CASD1: variants seen among roughly 807,000 people sequenced by gnomAD.
CASD1 encodes the protein CAS1 domain sialic acid O acetyltransferase 1.
A neutral mutation model predicts 100.0 loss-of-function variants in CASD1; 41 were observed. The ratio of observed to expected loss-of-function variants is 0.41; its 90% CI spans 0.32 to 0.53. The LOEUF (loss-of-function observed/expected upper bound fraction) is 0.53, where lower values mean the gene tolerates loss of function less well. Ranked by LOEUF, CASD1 falls within the 20% of genes least tolerant of loss-of-function variation. CASD1 has a pLI of 0.25. For synonymous variants in CASD1, 321 were observed against 315.6 expected, an observed-to-expected ratio of 1.02 and a Z score of -0.18; for missense variants, 774 against 948.7, an observed-to-expected ratio of 0.82 and a Z score of 2.42.
the CASD1 span, among the ~76,000 whole-genome samples, chr7:94,580,928 G>A: frequency 6.6e-6 from 1 of 152,154 alleles, no homozygotes; most frequent in East Asian, 1.9e-4. Flanking sequence ...GCCCTCTCCA[G>A]GGAACACTTA....
chr7:94,603,367 G>C, the CASD1 span: 3 of 1,612,546 alleles, frequency 1.9e-6, no homozygotes, highest in South Asian at 1.1e-5. Context: ...TCCATTTCTT[G>C]ACTACATCTC....
the CASD1 span, among the ~76,000 whole-genome samples, chr7:94,586,218 G>A: frequency 6.6e-6 from 1 of 152,174 alleles, no homozygotes; most frequent in East Asian, 1.9e-4. Context: ...TGTGCATAAT[G>A]TTCTGTGGTA....
At chr7:94,606,340 A>G in the CASD1 span, among the ~76,000 whole-genome samples, 1 of 152,214 alleles carries the variant, frequency 6.6e-6, no homozygotes, top group Non-Finnish European at 1.5e-5. Context: ...TTAATTTCAG[A>G]CAGAGCCAAC....
the CASD1 span, among the ~76,000 whole-genome samples, chr7:94,584,509 A>G: frequency 6.6e-6 from 1 of 152,222 alleles, no homozygotes; most frequent in Non-Finnish European, 1.5e-5. Context: ...ATGACAGAGT[A>G]TTCTCCCTAA....
At chr7:94,539,317 A>G (rs1795269995) in intron 10 of CASD1, among the ~76,000 whole-genome samples, 1 of 152,180 alleles carries the variant, frequency 6.6e-6, no homozygotes, top group African/African-American at 2.4e-5. Flanking sequence ...GAAATAGCTG[A>G]TATCTAAGGG....
At chr7:94,588,685 T>C in the CASD1 span, 1 of 1,588,746 alleles carries the variant, frequency 6.3e-7, no homozygotes, top group Non-Finnish European at 8.6e-7. Flanking sequence ...TTCTTAGCAC[T>C]CACCTGTAGT....
At chr7:94,515,363 GTGTT>G (rs1366183678) in intron 1 of CASD1, among the ~76,000 whole-genome samples, 1 of 150,822 alleles carries the variant, frequency 6.6e-6, no homozygotes, top group East Asian at 1.9e-4. Context: ...TCTAAAAACT[GTGTT>G]TGTAATGCCT....
At chr7:94,630,441 C>T in the CASD1 span, among the ~76,000 whole-genome samples, 2 of 151,692 alleles carry the variant, frequency 1.3e-5, no homozygotes, top group Non-Finnish European at 2.9e-5. Context: ...ATTCAATTTT[C>T]TCTGATCTTG....
At chr7:94,618,129 A>G in the CASD1 span, 2 of 152,272 alleles carry the variant, frequency 1.3e-5, no homozygotes, top group African/African-American at 4.8e-5. Flanking sequence ...CTATCTGCAC[A>G]GCTTCAGAAC....
In CASD1 at chr7:94,555,970, A is replaced by C. The variant is rs1249555339; in HGVS notation, c.*212A>C. The C allele has an allele frequency of 5.8e-6, 3 of 513,432 alleles. No individual in the cohort carries two copies. The highest frequency in any genetic ancestry group is 1.0e-5 in the Non-Finnish European group (3 of 294,734). The allele number at this position is 513,432 out of a possible 1,614,324, so 31.8% of individuals were successfully genotyped here. ...ATACTAAAACAAACAAACAAACAAA[A>C]AACCAGAATGCATTGTATAGGATTG... On this transcript the variant is annotated 3_prime_UTR_variant, in exon 18 of 18. Coordinates refer to ENST00000297273, the MANE Select transcript of CASD1 (RefSeq NM_022900.5).
chr7:94,569,306 C>T, the CASD1 span, among the ~76,000 whole-genome samples: 1 of 152,082 alleles, frequency 6.6e-6, no homozygotes, highest in Non-Finnish European at 1.5e-5. Flanking sequence ...TTGGAACTAA[C>T]ATCATCAATA....
At chr7:94,602,920 C>G in the CASD1 span, among the ~76,000 whole-genome samples, 1 of 152,102 alleles carries the variant, frequency 6.6e-6, no homozygotes, top group African/African-American at 2.4e-5. Context: ...TTATTGTACT[C>G]CATCCTTTCC....
the CASD1 span, chr7:94,619,032 G>T: frequency 3.8e-6 from 4 of 1,040,254 alleles, no homozygotes; most frequent in Non-Finnish European, 6.0e-6. Flanking sequence ...AACAATTTGC[G>T]ATTTGTTGAG....
chr7:94,585,637 T>C, the CASD1 span: 1 of 707,070 alleles, frequency 1.4e-6, no homozygotes, highest in East Asian at 2.5e-5. Context: ...TGTAAAATAA[T>C]TACATTGCAT....
chr7:94,530,176 A>G (rs146764379), intron 5 of CASD1, among the ~76,000 whole-genome samples: 4 of 152,188 alleles, frequency 2.6e-5, no homozygotes, highest in African/African-American at 9.6e-5. Context: ...TATTTTTCTT[A>G]AGTTTTCAAA....
intron 3 of CASD1, among the ~76,000 whole-genome samples, chr7:94,526,741 C>T (rs751706489): frequency 7.9e-5 from 12 of 152,144 alleles, no homozygotes; most frequent in East Asian, 1.9e-4. Context: ...TGCAATGAAC[C>T]GAGATTGCTC....
intron 7 of CASD1, among the ~76,000 whole-genome samples, chr7:94,534,990 A>G (rs914111860): frequency 1.3e-5 from 2 of 152,232 alleles, no homozygotes; most frequent in Non-Finnish European, 2.9e-5. Flanking sequence ...GTTACCTGTT[A>G]TAACTCAGCA....
At chr7:94,618,490 G>A in the CASD1 span, 1 of 361,454 alleles carries the variant, frequency 2.8e-6, no homozygotes, top group Non-Finnish European at 4.9e-6. Context: ...GCTTCTTAAT[G>A]GAAGGTACAA....
intron 8 of CASD1, among the ~76,000 whole-genome samples, chr7:94,536,796 A>G (rs553196836): frequency 3.3e-5 from 5 of 152,352 alleles, no homozygotes; most frequent in Middle Eastern, 3.4e-3. Context: ...ATCTTCAACT[A>G]GACAGACTCA....
Sources: allele counts gnomAD v4.1 joint callset (sites outside exome capture counted in the v4.1 genomes callset), GRCh38; gene constraint gnomAD v4.1.1; transcripts MANE v1.5; gene names NCBI Gene and HGNC (gene_info 2026-07-23, HGNC 2026-07-21).